The following MYO10 variants were observed in gnomAD, a reference collection of about 807,000 sequenced individuals.
MYO10 encodes myosin X, also known as unconventional myosin-X.
A neutral mutation model predicts 257.3 loss-of-function variants in MYO10; 133 were observed. The ratio of observed to expected loss-of-function variants is 0.52; its 90% CI spans 0.45 to 0.60. MYO10 has a LOEUF of 0.60. MYO10 is among the 20% of genes least tolerant of loss of function. The pLI, the probability that MYO10 is intolerant of heterozygous loss-of-function variation, is 0.00. For missense variants in MYO10, 2,399 were observed against 2,635.7 expected (o/e 0.91, Z 1.97); for synonymous variants, 1,104 against 1,028.6 (o/e 1.07, Z -1.40).
At chr5:16,829,996 T>C (rs918829666) in intron 2 of MYO10, among the ~76,000 whole-genome samples, 1 of 151,996 alleles carries the variant, frequency 6.6e-6, no homozygotes, top group African/African-American at 2.4e-5. Flanking sequence ...TCCCAGCACT[T>C]TGAGAGGCCG....
chr5:16,842,601 C>G (rs558204238), intron 2 of MYO10, among the ~76,000 whole-genome samples: 3 of 152,298 alleles, frequency 2.0e-5, no homozygotes, highest in African/African-American at 7.2e-5. Context: ...GCTCACAAAG[C>G]TGCTGTAAGC....
chr5:16,753,035 C>A (rs1029033992), intron 19 of MYO10, among the ~76,000 whole-genome samples: 13 of 152,170 alleles, frequency 8.5e-5, no homozygotes, highest in Non-Finnish European at 1.8e-4. Flanking sequence ...CACACAAACA[C>A]CAAATTCTCA....
rs1229945691 is a variant in MYO10, at chr5:16,794,721, G to A, written c.392C>T (p.Pro131Leu). ...YSRRHLGELP[P>L]HIFAIANECY... Reference sequence around the variant, plus strand: ...CTCGTTGGCGATGGCGAAGATGTGCGGGGGCAGCTCGCCCAGGTGGCGCCG... The same window carrying A: ...CTCGTTGGCGATGGCGAAGATGTGCAGGGGCAGCTCGCCCAGGTGGCGCCG... The change falls in exon 4 of 41, where the codon CCG (proline) becomes CTG (leucine). Residue 131 changes from proline to leucine, a missense_variant. This residue lies in a region of MYO10 where 242 missense variants were observed against 249.5 expected (regional missense o/e 0.97). Coordinates refer to ENST00000513610, the MANE Select transcript of MYO10 (RefSeq NM_012334.3). The A allele has an allele frequency of 1.9e-6, 3 of 1,613,430 alleles. No individual in the cohort carries two copies. Among genetic ancestry groups the A allele is most frequent in the Non-Finnish European group, 2.5e-6 (3 of 1,179,670 alleles).
intron 19 of MYO10, among the ~76,000 whole-genome samples, chr5:16,722,550 T>C (rs953331970): frequency 8.5e-5 from 13 of 152,066 alleles, no homozygotes; most frequent in African/African-American, 2.4e-4. Flanking sequence ...ACAACTATAA[T>C]CAAATGATTT....
At chr5:16,830,432 T>C (rs149837065) in intron 2 of MYO10, among the ~76,000 whole-genome samples, 1 of 152,206 alleles carries the variant, frequency 6.6e-6, no homozygotes, top group Admixed American at 6.5e-5. Flanking sequence ...GTTTTCGTTA[T>C]GCTAAGATGT....
intron 32 of MYO10, among the ~76,000 whole-genome samples, chr5:16,681,064 G>C (rs190393431): frequency 6.6e-6 from 1 of 152,284 alleles, no homozygotes; most frequent in Admixed American, 6.5e-5. Flanking sequence ...ACGATGCCCT[G>C]CATCTGTTGA....
intron 2 of MYO10, among the ~76,000 whole-genome samples, chr5:16,870,331 A>C (rs1364956482): frequency 1.3e-5 from 2 of 151,416 alleles, no homozygotes; most frequent in African/African-American, 4.9e-5. Context: ...CTTGCTCTTC[A>C]TTTTAAGTAA....
chr5:16,886,090 A>G (rs1744889795), intron 1 of MYO10, among the ~76,000 whole-genome samples: 1 of 152,214 alleles, frequency 6.6e-6, no homozygotes, highest in African/African-American at 2.4e-5. Context: ...AACTGCATCC[A>G]ATTCTACAGA....
intron 33 of MYO10, among the ~76,000 whole-genome samples, chr5:16,677,765 C>CTTT (rs10639073): frequency 7.9e-4 from 116 of 146,672 alleles, no homozygotes; most frequent in Middle Eastern, 3.6e-3. Flanking sequence ...CATATTTACT[C>CTTT]TTTTTTTTTT....
chr5:16,698,297 G>T (rs1561190017), intron 26 of MYO10, among the ~76,000 whole-genome samples: 2 of 152,120 alleles, frequency 1.3e-5, no homozygotes, highest in Admixed American at 1.3e-4. Context: ...TGAGTTCAAG[G>T]CTGCAGTGAG....
rs1736145308 is a variant in MYO10, at chr5:16,665,944, T to C, written c.*748A>G. 1.3e-5 allele frequency: 2 copies of C among 152,636 alleles called. No homozygotes were observed. The highest frequency in any genetic ancestry group is 4.8e-5 in the African/African-American group (2 of 41,454). 9.5% of individuals were successfully genotyped at this position (152,636 alleles called of 1,614,324 possible). A position where few individuals can be genotyped will look rare whatever the true frequency, so the allele number is the denominator to read the frequency against. ...CAGGAAAATCCAGGATTTGGGTTTG[T>C]TAATAAAACCACCTTATAAAGTAAC... On this transcript the variant is annotated 3_prime_UTR_variant, in exon 41 of 41. Coordinates refer to ENST00000513610, the MANE Select transcript of MYO10 (RefSeq NM_012334.3).
In MYO10 at chr5:16,672,832, G is replaced by GAC. The variant is rs1248045384; in HGVS notation, c.5173-9_5173-8dup. 2 of 1,611,858 alleles carry GAC rather than the reference G, an allele frequency of 1.2e-6. No individual in the cohort carries two copies. Among genetic ancestry groups the GAC allele is most frequent in the East Asian group, 4.5e-5 (2 of 44,816 alleles). On this transcript the variant is annotated splice_region_variant and splice_polypyrimidine_tract_variant and intron_variant, in intron 36 of 40. Coordinates refer to ENST00000513610, the MANE Select transcript of MYO10 (RefSeq NM_012334.3). ...GGATCAGCTTCTCCACCACCTGGAA[G>GAC]ACACACCAGGGGGACTTCAGTTCCA... is the stretch of plus-strand genomic sequence containing the variant.
At chr5:16,933,537 T>A (rs1455994802) in intron 1 of MYO10, among the ~76,000 whole-genome samples, 1 of 152,190 alleles carries the variant, frequency 6.6e-6, no homozygotes, top group Non-Finnish European at 1.5e-5. Flanking sequence ...ATGGGAAAAG[T>A]TAGCAAAGAC....
chr5:16,778,290 G>A (rs1263524152), intron 9 of MYO10, among the ~76,000 whole-genome samples: 1 of 152,126 alleles, frequency 6.6e-6, no homozygotes, highest in East Asian at 1.9e-4. Context: ...TTGTAACAAA[G>A]CCCTTGCAAG....
intron 1 of MYO10, among the ~76,000 whole-genome samples, chr5:16,912,802 G>GCACGCACACACACACA (rs1554008422): frequency 3.6e-5 from 4 of 111,594 alleles, no homozygotes; most frequent in African/African-American, 1.4e-4. Flanking sequence ...CTACCACCCT[G>GCACGCACACACACACA]CACACACACA....
chr5:16,734,527 G>A (rs544134425), intron 19 of MYO10, among the ~76,000 whole-genome samples: 1 of 152,244 alleles, frequency 6.6e-6, no homozygotes, highest in South Asian at 2.1e-4. Flanking sequence ...ATGTCAGGCC[G>A]GGCATGGTGG....
Position 16,680,020 on chromosome 5 carries a change from C to T in MYO10, c.4469G>A (p.Ser1490Asn), listed in dbSNP as rs548740822. 1.7e-4 allele frequency: 275 copies of T among 1,613,872 alleles called. 3 individuals are homozygous for T. The South Asian group carries it at 3.0e-3, about 17-fold the overall frequency. ...GGTGTCAGTCACGTTTTGAATGGCA[C>T]TGGACCACCGGGTGGCCTCGTTGAG... ...KLLNEATRWS[S>N]AIQNVTDTKA... Residue 1490 changes from serine (S) to asparagine (N), a missense_variant, in exon 33 of 41, where the codon AGT becomes AAT. Physicochemically the swap from Ser to Asn is conservative, Grantham distance 46. Around this residue, in one of 3 missense-constraint regions of MYO10, gnomAD observed 1,820 missense variants for 1,939.4 expected, o/e 0.94. Transcript: ENST00000513610.
At chr5:16,713,985 T>C (rs1738739581) in intron 19 of MYO10, among the ~76,000 whole-genome samples, 1 of 152,120 alleles carries the variant, frequency 6.6e-6, no homozygotes, top group Non-Finnish European at 1.5e-5. Flanking sequence ...ACCAGGGCAA[T>C]TACAGTCACT....
chr5:16,793,204 G>A (rs1741823436), intron 4 of MYO10, among the ~76,000 whole-genome samples: 1 of 152,140 alleles, frequency 6.6e-6, no homozygotes, highest in Admixed American at 6.5e-5. Flanking sequence ...TATCACCCAG[G>A]GGTGTGAGGA....
Sources: gnomAD v4.1 joint callset for allele counts (sites outside exome capture counted in the v4.1 genomes callset) on GRCh38, gnomAD v4.1.1 for gene constraint, gnomAD v4.1.1 regional missense constraint, MANE v1.5 for transcripts, NCBI Gene and HGNC (gene_info 2026-07-23, HGNC 2026-07-21) for gene names.